RAMP3: variants seen among roughly 807,000 people sequenced by gnomAD.
RAMP3 encodes the protein receptor activity-modifying protein 3.
Under a neutral mutation model 13.5 loss-of-function variants are expected in RAMP3, and 14 were observed. The observed-to-expected ratio is 1.04, with a 90% CI of 0.69 to 1.63. The LOEUF is 1.63. Ranked by LOEUF, RAMP3 falls within the 40% of genes most tolerant of loss-of-function variation. RAMP3 has a pLI of 0.00. For missense variants in RAMP3, 200 were observed against 204.8 expected (o/e 0.98, Z 0.14); for synonymous variants, 106 against 88.3 (o/e 1.20, Z -1.12).
chr7:45,180,576 C>T (rs1472749602), intron 2 of RAMP3, among the ~76,000 whole-genome samples: 1 of 152,228 alleles, frequency 6.6e-6, no homozygotes, highest in Admixed American at 6.5e-5. Flanking sequence ...CAGAGCGTGT[C>T]CTCTCCTGGG....
intron 1 of RAMP3, among the ~76,000 whole-genome samples, chr7:45,171,871 C>A (rs1178591980): frequency 6.6e-6 from 1 of 152,234 alleles, no homozygotes; most frequent in Non-Finnish European, 1.5e-5. Context: ...TCTCTTCTTA[C>A]AGCCTGCCTC....
intron 1 of RAMP3, chr7:45,163,985 A>G (rs1470905963): frequency 2.9e-6 from 2 of 687,968 alleles, no homozygotes; most frequent in East Asian, 1.3e-4. Flanking sequence ...GTGGCTGAAA[A>G]CCCACTTCTG....
intron 1 of RAMP3, among the ~76,000 whole-genome samples, chr7:45,161,838 TG>T (rs1425642221): frequency 6.6e-6 from 1 of 151,198 alleles, no homozygotes; most frequent in African/African-American, 2.4e-5. Flanking sequence ...AGGCTGCAGG[TG>T]TGGGCACTGG....
chr7:45,163,096 T>C (rs1785895095), intron 1 of RAMP3: 6 of 914,108 alleles, frequency 6.6e-6, no homozygotes, highest in Non-Finnish European at 7.8e-6. Context: ...CTGAATCACT[T>C]GGAGGTTTTA....
At chr7:45,163,633 A>T (rs935769884) in intron 1 of RAMP3, 2 of 985,466 alleles carry the variant, frequency 2.0e-6, no homozygotes, top group Non-Finnish European at 2.4e-6. Flanking sequence ...CTTGACAGAG[A>T]TTTTGTAGGT....
intron 1 of RAMP3, among the ~76,000 whole-genome samples, chr7:45,164,342 C>T (rs553753007): frequency 1.6e-4 from 25 of 152,034 alleles, no homozygotes; most frequent in Middle Eastern, 3.4e-3. Flanking sequence ...GGAGCCTAGC[C>T]TGGGTAATAT....
chr7:45,162,897 C>T (rs1172699924), intron 1 of RAMP3, among the ~76,000 whole-genome samples: 4 of 152,192 alleles, frequency 2.6e-5, no homozygotes, highest in Non-Finnish European at 5.9e-5. Flanking sequence ...TCCCCCATGC[C>T]CTTACTCCTT....
chr7:45,167,569 T>A (rs530208619), intron 1 of RAMP3, among the ~76,000 whole-genome samples: 2 of 151,672 alleles, frequency 1.3e-5, no homozygotes, highest in Admixed American at 1.3e-4. Context: ...TTTTTTTTTT[T>A]TTTTTATTTT....
At chr7:45,167,047 T>G (rs1339638045) in intron 1 of RAMP3, among the ~76,000 whole-genome samples, 1 of 142,638 alleles carries the variant, frequency 7.0e-6, no homozygotes, top group Non-Finnish European at 1.5e-5. Context: ...AAGCTCCGCC[T>G]CCTGGGTTCA....
chr7:45,183,146 T>C lies in RAMP3; in HGVS notation c.192-11T>C. On this transcript the variant is annotated splice_polypyrimidine_tract_variant and intron_variant, in intron 2 of 2. Transcript: ENST00000242249. ...GCGAGAGCCTGGCTTTCACCCCCTC[T>C]GCTTTTGCAGGTACTATGAGAGTTT... is the stretch of plus-strand genomic sequence containing the variant. 1.2e-6 allele frequency: 2 copies of C among 1,607,884 alleles called. No individual in the cohort carries two copies. Among genetic ancestry groups the C allele is most frequent in the Non-Finnish European group, 1.7e-6 (2 of 1,179,160 alleles).
Position 45,163,211 on chromosome 7 carries a change from T to C in RAMP3, c.58+5325T>C, listed in dbSNP as rs924135713. 6 of 985,314 alleles carry C rather than the reference T, an allele frequency of 6.1e-6. No homozygotes were observed. The South Asian group carries it at 1.4e-4, about 23-fold the overall frequency. 61.0% of individuals were successfully genotyped at this position (985,314 alleles called of 1,614,324 possible). A position where few individuals can be genotyped will look rare whatever the true frequency, so the allele number is the denominator to read the frequency against. On this transcript the variant is annotated intron_variant, in intron 1 of 2. Transcript: ENST00000242249. ...GCAGTTGACTCTGCTGGGTCTGTCC[T>C]ATCTCTGGTGGCTGCCCTGAAAGAT...
intron 1 of RAMP3, among the ~76,000 whole-genome samples, chr7:45,158,318 G>C (rs1030957505): frequency 7.9e-5 from 12 of 152,184 alleles, no homozygotes; most frequent in African/African-American, 2.7e-4. Flanking sequence ...CCACTCACAG[G>C]GGCGTGGGCG....
chr7:45,180,154 G>A (rs1786275121), intron 2 of RAMP3, among the ~76,000 whole-genome samples: 1 of 152,270 alleles, frequency 6.6e-6, no homozygotes, highest in Admixed American at 6.5e-5. Context: ...CACGACAAAA[G>A]AAGCTATGAG....
intron 1 of RAMP3, among the ~76,000 whole-genome samples, chr7:45,168,333 G>C (rs932023042): frequency 1.4e-5 from 2 of 143,950 alleles, no homozygotes; most frequent in South Asian, 4.4e-4. Flanking sequence ...TTGAACCTGG[G>C]AGGCAGAGGT....
intron 1 of RAMP3, among the ~76,000 whole-genome samples, chr7:45,161,153 G>A (rs898785517): frequency 2.0e-5 from 3 of 152,346 alleles, no homozygotes; most frequent in East Asian, 3.9e-4. Context: ...CCTTGCGATG[G>A]GGCATGTGAA....
At chr7:45,179,170 C>G (rs752922943) in intron 2 of RAMP3, among the ~76,000 whole-genome samples, 1 of 152,134 alleles carries the variant, frequency 6.6e-6, no homozygotes, top group Non-Finnish European at 1.5e-5. Context: ...GCGGCTGATA[C>G]GCATTATCTT....
At chr7:45,168,406 CAAAAAAA>C (rs71030854) in intron 1 of RAMP3, among the ~76,000 whole-genome samples, 38 of 70,388 alleles carry the variant, frequency 5.4e-4, no homozygotes, top group Middle Eastern at 0.01. Flanking sequence ...ACTCTGTTTC[CAAAAAAA>C]AAAAAAAAAA....
chr7:45,164,261 A>G (rs775102058), intron 1 of RAMP3, among the ~76,000 whole-genome samples: 9 of 152,186 alleles, frequency 5.9e-5, no homozygotes, highest in African/African-American at 1.2e-4. Context: ...GTATTCTCCA[A>G]TTATCTGCTG....
intron 1 of RAMP3, among the ~76,000 whole-genome samples, chr7:45,167,733 T>G (rs933929778): frequency 6.6e-6 from 1 of 152,020 alleles, no homozygotes. Flanking sequence ...ATTACAGGCA[T>G]GCGCCACCAC....
Sources: gnomAD v4.1 joint callset for allele counts (sites outside exome capture counted in the v4.1 genomes callset) on GRCh38, gnomAD v4.1.1 for gene constraint, MANE v1.5 for transcripts, NCBI Gene and HGNC (gene_info 2026-07-23, HGNC 2026-07-21) for gene names.